Variants in LMBR1 observed in about 807,000 individuals in gnomAD.
LMBR1 encodes the protein limb development membrane protein 1.
Under a neutral mutation model 73.9 loss-of-function variants are expected in LMBR1, and 52 were observed. The ratio of observed to expected loss-of-function variants is 0.70; its 90% CI spans 0.56 to 0.89. The LOEUF is 0.89. Among genes scored for constraint, LMBR1 ranks in the 40% least tolerant of loss-of-function variants. LMBR1 has a pLI of 0.00. For synonymous variants in LMBR1, 215 were observed against 209.4 expected, an observed-to-expected ratio of 1.03 and a Z score of -0.23; for missense variants, 539 against 579.8, an observed-to-expected ratio of 0.93 and a Z score of 0.72.
At chr7:156,710,126 C>T (rs886139225) in intron 15 of LMBR1, among the ~76,000 whole-genome samples, 1 of 151,038 alleles carries the variant, frequency 6.6e-6, no homozygotes, top group Non-Finnish European at 1.5e-5. Flanking sequence ...AGGATGCTCT[C>T]GATCTCCCGA....
rs1804878598 is a variant in LMBR1, at chr7:156,680,672, G to C, written c.*3406C>G. 6.5e-6 allele frequency: 1 copy of C among 154,276 alleles called. No homozygotes were observed. The highest frequency in any genetic ancestry group is 2.4e-5 in the African/African-American group (1 of 41,452). 9.6% of individuals were successfully genotyped at this position (154,276 alleles called of 1,614,324 possible). ...ATTGATGCTACATTGTGGGTTATAA[G>C]AAATTGATCTACCAATAACTGCACA... On this transcript the variant is annotated 3_prime_UTR_variant, in exon 17 of 17. Coordinates refer to ENST00000353442, the MANE Select transcript of LMBR1 (RefSeq NM_022458.4).
rs185295078 is a variant in LMBR1 at position 156,844,374 on chromosome 7, C to G, written c.67-7489G>C. Among the ~76,000 whole-genome samples, 93 of 152,106 alleles carry G rather than the reference C, an allele frequency of 6.1e-4. 2 individuals carry two copies. Among genetic ancestry groups the G allele is most frequent in the African/African-American group, 2.1e-3 (86 of 41,456 alleles). On this transcript the variant is annotated intron_variant, in intron 1 of 16. Coordinates refer to ENST00000353442, the MANE Select transcript of LMBR1 (RefSeq NM_022458.4). ...AAAATAAGAATACAACTATAACAGA[C>G]CAAAACAAAAATCACAGAACTCATT...
chr7:156,873,387 T>C (rs1201347703), intron 1 of LMBR1, among the ~76,000 whole-genome samples: 1 of 152,152 alleles, frequency 6.6e-6, no homozygotes, highest in African/African-American at 2.4e-5. Flanking sequence ...AAAAGCAGCG[T>C]GGACCCAAAG....
chr7:156,685,620 A>C lies in LMBR1; in HGVS notation c.1388-1457T>G, dbSNP rs866774883. ...CTGATGCGTGGCGCCAGGACATTACAACAGCCGCCACGCCACTGCTGGCAG... is the reference window on the plus strand; with the variant it reads ...CTGATGCGTGGCGCCAGGACATTACCACAGCCGCCACGCCACTGCTGGCAG... On this transcript the variant is annotated intron_variant, in intron 16 of 16. Coordinates refer to ENST00000353442, the MANE Select transcript of LMBR1 (RefSeq NM_022458.4). The surrounding 1 kb of genome is among the most constrained non-coding windows in gnomAD (Gnocchi z 4.1). 6.6e-6 allele frequency among the ~76,000 whole-genome samples: 1 copy of C among 152,240 alleles called. No individual in the cohort carries two copies. The highest frequency in any genetic ancestry group is 2.1e-4 in the South Asian group (1 of 4,832).
chr7:156,837,034 AAAAC>A, intron 1 of LMBR1, 149 bp from the exon 2 acceptor site: 1 of 613,468 alleles, frequency 1.6e-6, no homozygotes, highest in Non-Finnish European at 2.8e-6. Flanking sequence ...AAGTTTTAAT[AAAAC>A]ATAGGCTGGG....
At chr7:156,696,987 T>C (rs536449169) in intron 15 of LMBR1, among the ~76,000 whole-genome samples, 5 of 152,312 alleles carry the variant, frequency 3.3e-5, no homozygotes, top group South Asian at 2.1e-4. Flanking sequence ...CGGGGATATA[T>C]TGGGGGACCC....
intron 9 of LMBR1, among the ~76,000 whole-genome samples, chr7:156,734,926 G>C (rs1431284516): frequency 2.0e-5 from 3 of 152,064 alleles, no homozygotes; most frequent in Non-Finnish European, 4.4e-5. Context: ...ACACGAATGG[G>C]GTCAGACCTA....
intron 5 of LMBR1, among the ~76,000 whole-genome samples, chr7:156,790,189 T>C (rs1284900388): frequency 2.6e-5 from 4 of 152,156 alleles, no homozygotes; most frequent in African/African-American, 9.7e-5. Context: ...TCATGTCACT[T>C]TGCTGTTAGA....
intron 15 of LMBR1, among the ~76,000 whole-genome samples, chr7:156,692,643 A>C (rs1807457922): frequency 1.3e-5 from 2 of 152,196 alleles, no homozygotes; most frequent in African/African-American, 4.8e-5. Flanking sequence ...TTTACCACCT[A>C]AAGAGAGACT....
At chr7:156,693,945 C>A (rs1382311725) in intron 15 of LMBR1, among the ~76,000 whole-genome samples, 1 of 152,160 alleles carries the variant, frequency 6.6e-6, no homozygotes, top group African/African-American at 2.4e-5. Flanking sequence ...GGATCGTACG[C>A]CCTAGCCAAA....
At chr7:156,780,806 A>AG (rs1169524647) in intron 5 of LMBR1, among the ~76,000 whole-genome samples, 1 of 152,176 alleles carries the variant, frequency 6.6e-6, no homozygotes, top group Admixed American at 6.5e-5. Flanking sequence ...GTCAGCCCTC[A>AG]GGGCCCTGTG....
At chr7:156,817,745 A>G (rs1163418306) in intron 4 of LMBR1, among the ~76,000 whole-genome samples, 2 of 152,202 alleles carry the variant, frequency 1.3e-5, no homozygotes, top group Admixed American at 6.5e-5. Context: ...AATCCTACAA[A>G]AAGTTAAACT....
Position 156,681,975 on chromosome 7 carries a change from G to A in LMBR1, c.*2103C>T, listed in dbSNP as rs1351541893. 1.3e-5 allele frequency: 2 copies of A among 152,274 alleles called. No homozygotes were observed. The highest frequency in any genetic ancestry group is 4.8e-5 in the African/African-American group (2 of 41,472). 9.4% of individuals were successfully genotyped at this position (152,274 alleles called of 1,614,324 possible). On this transcript the variant is annotated 3_prime_UTR_variant, in exon 17 of 17. Transcript: ENST00000353442. ...AGATGCTTGGGCATGTGCTCAGGAA[G>A]AGCCTCGAGGAACCGTGATTACGCA...
At chr7:156,805,779 A>G (rs1042910085) in intron 4 of LMBR1, among the ~76,000 whole-genome samples, 8 of 152,196 alleles carry the variant, frequency 5.3e-5, no homozygotes, top group Non-Finnish European at 1.0e-4. Context: ...CCCCAAATTC[A>G]TAACTGAAAC....
At chr7:156,825,494 TGTGA>T (rs762563434) in intron 4 of LMBR1, among the ~76,000 whole-genome samples, 1 of 152,206 alleles carries the variant, frequency 6.6e-6, no homozygotes, top group African/African-American at 2.4e-5. Flanking sequence ...TTTACCCTGA[TGTGA>T]GTCTTTTGCA....
At chr7:156,761,095 T>C (rs1053143797) in intron 8 of LMBR1, among the ~76,000 whole-genome samples, 5 of 152,258 alleles carry the variant, frequency 3.3e-5, no homozygotes, top group African/African-American at 9.6e-5. Context: ...ACAGAATGCA[T>C]AGAGCCTATT....
downstream of LMBR1, chr7:156,677,029 T>G (rs1804189960): frequency 1.1e-5 from 2 of 180,714 alleles, no homozygotes; most frequent in Admixed American, 1.1e-4. Context: ...TAGTCTGTCC[T>G]AAAGCCTTTG....
intron 5 of LMBR1, among the ~76,000 whole-genome samples, chr7:156,790,572 T>C (rs1829035164): frequency 6.6e-6 from 1 of 151,904 alleles, no homozygotes; most frequent in South Asian, 2.1e-4. Context: ...GAACATACTA[T>C]ATAGGGTTCA....
At chr7:156,686,811 C>T (rs1806113779) in intron 16 of LMBR1, among the ~76,000 whole-genome samples, 1 of 152,206 alleles carries the variant, frequency 6.6e-6, no homozygotes, top group Non-Finnish European at 1.5e-5. Context: ...ACTAATCTTG[C>T]TGATATTATA....
Sources: gnomAD v4.1 joint callset for allele counts (sites outside exome capture counted in the v4.1 genomes callset) on GRCh38, gnomAD v4.1.1 for gene constraint, Gnocchi (gnomAD v3.1) non-coding constraint, MANE v1.5 for transcripts, NCBI Gene and HGNC (gene_info 2026-07-23, HGNC 2026-07-21) for gene names.